The following PTH2R variants were observed in gnomAD, a reference collection of about 807,000 sequenced individuals.
PTH2R encodes PTH2 receptor.
In PTH2R, 59 loss-of-function variants were observed where a neutral mutation model predicts 60.3. The observed-to-expected ratio is 0.98, with a 90% confidence interval of 0.79 to 1.22. PTH2R has a LOEUF of 1.22. Ranked by LOEUF, PTH2R falls within the 50% of genes most tolerant of loss-of-function variation. PTH2R has a pLI of 0.00. For missense variants in PTH2R, 749 were observed against 682.6 expected (o/e 1.10, Z -1.08); for synonymous variants, 256 against 243.8 (o/e 1.05, Z -0.47).
In PTH2R at chr2:208,464,838, A is replaced by G. The variant is rs1263000937; in HGVS notation, c.981+4877A>G. Among the ~76,000 whole-genome samples the G allele has an allele frequency of 2.6e-5, 4 of 152,024 alleles. No individual in the cohort carries two copies. In the South Asian group the frequency reaches 8.3e-4, roughly 32 times the overall value. On this transcript the variant is annotated intron_variant, in intron 9 of 12. Coordinates refer to ENST00000272847, the MANE Select transcript of PTH2R (RefSeq NM_005048.4). ...AGACCAGCCTGGGCAACAAAACAAA[A>G]CCCCTTATTCTTTTTCCCATAATGA...
At chr2:208,377,589 G>T (rs1339222686) in intron 1 of PTH2R, among the ~76,000 whole-genome samples, 11 of 150,956 alleles carry the variant, frequency 7.3e-5, no homozygotes, top group Admixed American at 2.0e-4. Context: ...GGCCGGGCGG[G>T]GGCTGACCCC....
chr2:208,438,816 G>C (rs1702128314), intron 4 of PTH2R, among the ~76,000 whole-genome samples: 1 of 152,050 alleles, frequency 6.6e-6, no homozygotes, highest in African/African-American at 2.4e-5. Flanking sequence ...GTGAGTTGAA[G>C]GTTTCTTTGA....
chr2:208,422,516 G>C (rs138647071), intron 1 of PTH2R, among the ~76,000 whole-genome samples: 1,766 of 152,100 alleles, frequency 0.012, 22 homozygotes, highest in Non-Finnish European at 0.017. Flanking sequence ...CTTCACTTTA[G>C]GAAAGATATA....
At chr2:208,456,241 CA>C (rs58349354) in intron 8 of PTH2R, among the ~76,000 whole-genome samples, 29 of 135,946 alleles carry the variant, frequency 2.1e-4, no homozygotes, top group East Asian at 6.3e-4. Flanking sequence ...GACTCTGTCT[CA>C]AAAAAAAAAA....
At chr2:208,491,978 T>A (rs1219953450) in intron 12 of PTH2R, among the ~76,000 whole-genome samples, 4 of 152,206 alleles carry the variant, frequency 2.6e-5, no homozygotes, top group Non-Finnish European at 5.9e-5. Context: ...GCTCTGTCAG[T>A]CAGGTGTTGA....
At chr2:208,439,066 T>C (rs935457301) in intron 4 of PTH2R, among the ~76,000 whole-genome samples, 1 of 152,194 alleles carries the variant, frequency 6.6e-6, no homozygotes, top group African/African-American at 2.4e-5. Flanking sequence ...CATTCACTGA[T>C]ACTTAGTGTA....
At chr2:208,394,137 T>A (rs1267297699) in intron 1 of PTH2R, among the ~76,000 whole-genome samples, 1 of 152,140 alleles carries the variant, frequency 6.6e-6, no homozygotes, top group Non-Finnish European at 1.5e-5. Flanking sequence ...TGCCCTTCTG[T>A]TTGCAGAAAA....
chr2:208,470,480 C>T (rs1272551291), intron 9 of PTH2R, among the ~76,000 whole-genome samples: 1 of 151,396 alleles, frequency 6.6e-6, no homozygotes, highest in Admixed American at 6.6e-5. Context: ...CTTTCTTGTG[C>T]TGTTCTCGTG....
In PTH2R at chr2:208,481,410, C is replaced by G. The variant is rs370900225; in HGVS notation, c.1076+246C>G. Among the ~76,000 whole-genome samples, 17 of 152,096 alleles carry G rather than the reference C, an allele frequency of 1.1e-4. No individual in the cohort carries two copies. The East Asian group carries it at 2.9e-3, about 26-fold the overall frequency. ...ATTTTTAGTAGAGATGAGGTTTTGC[C>G]CTGTTGGCCAGGCTGGTCTCAAACT... is the stretch of plus-strand genomic sequence containing the variant. On this transcript the variant is annotated intron_variant, in intron 10 of 12. Coordinates refer to ENST00000272847, the MANE Select transcript of PTH2R (RefSeq NM_005048.4).
At chr2:208,425,270 G>C (rs1701834633) in intron 1 of PTH2R, among the ~76,000 whole-genome samples, 1 of 152,050 alleles carries the variant, frequency 6.6e-6, no homozygotes, top group South Asian at 2.1e-4. Context: ...AGATATTGAG[G>C]TAGGAGGTGG....
chr2:208,474,013 G>T (rs189524900), intron 9 of PTH2R, among the ~76,000 whole-genome samples: 26 of 152,242 alleles, frequency 1.7e-4, no homozygotes, highest in Non-Finnish European at 3.1e-4. Context: ...GGTCATACAG[G>T]TCATTAGCAG....
intron 10 of PTH2R, among the ~76,000 whole-genome samples, chr2:208,487,990 C>A (rs372084870): frequency 6.6e-6 from 1 of 152,130 alleles, no homozygotes; most frequent in East Asian, 1.9e-4. Context: ...ACACAAGTCC[C>A]AGGTCTTGCC....
chr2:208,413,407 C>G (rs1004484700), intron 1 of PTH2R, among the ~76,000 whole-genome samples: 5 of 152,134 alleles, frequency 3.3e-5, no homozygotes, highest in Non-Finnish European at 7.3e-5. Flanking sequence ...GCATTTGACA[C>G]TATCAAGTGT....
intron 1 of PTH2R, among the ~76,000 whole-genome samples, chr2:208,408,292 C>T (rs1325289447): frequency 1.3e-5 from 2 of 152,126 alleles, no homozygotes; most frequent in African/African-American, 4.8e-5. Flanking sequence ...AAAAATTCAT[C>T]AAGTTACCAG....
chr2:208,388,141 C>CT (rs369282889), intron 1 of PTH2R, among the ~76,000 whole-genome samples: 2 of 150,314 alleles, frequency 1.3e-5, no homozygotes, highest in South Asian at 2.2e-4. Context: ...AACCCCCCCC[C>CT]CCGTCTCTAC....
chr2:208,437,159 A>G (rs1164061968), intron 2 of PTH2R, among the ~76,000 whole-genome samples: 2 of 152,218 alleles, frequency 1.3e-5, no homozygotes, highest in Non-Finnish European at 2.9e-5. Context: ...CTTTAAAAAC[A>G]GTTTTCAAGA....
At position 208,391,746 on chromosome 2, in the gene PTH2R, G is replaced by A. The variant is rs112359918; in HGVS notation, c.-259+31509G>A. 3.1e-3 allele frequency among the ~76,000 whole-genome samples: 477 copies of A among 152,202 alleles called. 6 individuals carry two copies. In the East Asian group the frequency reaches 0.038, roughly 12 times the overall value. ...GAGAAGGTGGAGATAGGCTTAATCC[G>A]CTCTTTCCCTAATGCTCTGGTCCCC... is the stretch of plus-strand genomic sequence containing the variant. On this transcript the variant is annotated intron_variant, in intron 1 of 12. Transcript: ENST00000617735.
At chr2:208,445,248 T>G (rs1702266225) in intron 7 of PTH2R, among the ~76,000 whole-genome samples, 1 of 152,218 alleles carries the variant, frequency 6.6e-6, no homozygotes, top group Non-Finnish European at 1.5e-5. Context: ...TTTGAATTTC[T>G]AAGCTATAAT....
intron 1 of PTH2R, among the ~76,000 whole-genome samples, chr2:208,424,725 G>C (rs1003763150): frequency 6.6e-6 from 1 of 152,128 alleles, no homozygotes; most frequent in African/African-American, 2.4e-5. Flanking sequence ...GCCTGACCTG[G>C]AGAAAGTGGC....
Sources: allele counts gnomAD v4.1 joint callset (sites outside exome capture counted in the v4.1 genomes callset), GRCh38; gene constraint gnomAD v4.1.1; transcripts MANE v1.5; gene names NCBI Gene and HGNC (gene_info 2026-07-23, HGNC 2026-07-21).